The following TBCK variants were observed in gnomAD, a reference collection of about 807,000 sequenced individuals.
The protein encoded by TBCK is TBC domain-containing protein kinase-like protein.
Under a neutral mutation model 113.4 loss-of-function variants are expected in TBCK, and 99 were observed. The observed-to-expected ratio is 0.87, with a 90% CI of 0.74 to 1.03. The LOEUF is 1.03. Ranked by LOEUF, TBCK falls within the 50% of genes least tolerant of loss-of-function variation. The pLI, the probability that TBCK is intolerant of heterozygous loss-of-function variation, is 0.00. For synonymous variants in TBCK, 369 were observed against 370.8 expected (o/e 1.00, Z 0.05); for missense variants, 1,045 against 1,061.3 (o/e 0.98, Z 0.21).
Position 106,104,764 on chromosome 4 carries a change from C to T in TBCK, c.2412-9123G>A, listed in dbSNP as rs1206558648. Among the ~76,000 whole-genome samples, 6 of 152,390 alleles carry T rather than the reference C, an allele frequency of 3.9e-5. No individual in the cohort carries two copies. In the East Asian group the frequency reaches 1.2e-3, roughly 29 times the overall value. The stretch of plus-strand genomic sequence containing the variant: ...CTTTAAACCACCAACAGGTCCATAC[C>T]TCCCTGGGACAAAGCTCCCAGAGGG... On this transcript the variant is annotated intron_variant, in intron 24 of 25. Coordinates refer to ENST00000394708, the MANE Select transcript of TBCK (RefSeq NM_001163435.3).
intron 22 of TBCK, among the ~76,000 whole-genome samples, chr4:106,180,413 T>A (rs1752214821): frequency 6.6e-6 from 1 of 152,058 alleles, no homozygotes. Flanking sequence ...TACTTTAAGT[T>A]CTGGGTTACA....
chr4:106,268,592 A>T lies in TBCK; in HGVS notation c.267-6380T>A, dbSNP rs562765022. Among the ~76,000 whole-genome samples the T allele has an allele frequency of 2.5e-4, 38 of 152,224 alleles. No individual in the cohort carries two copies. The South Asian group carries it at 7.7e-3, about 31-fold the overall frequency. ...AACACAAGATGCTCAAGTTCACCCA[A>T]TGGCTATCCACAAAAAAAATTCATT... On this transcript the variant is annotated intron_variant, in intron 3 of 25. Transcript: ENST00000394708.
chr4:106,294,283 G>A (rs573701327), intron 3 of TBCK, among the ~76,000 whole-genome samples: 33 of 151,368 alleles, frequency 2.2e-4, no homozygotes, highest in Non-Finnish European at 1.0e-4. Context: ...TCCGCCCCGC[G>A]GGTTCAAGCA....
At chr4:106,184,184 C>T (rs1211185004) in intron 22 of TBCK, among the ~76,000 whole-genome samples, 2 of 151,922 alleles carry the variant, frequency 1.3e-5, no homozygotes, top group Admixed American at 6.6e-5. Context: ...CTAGCTGCCC[C>T]GTAATATCTT....
intron 3 of TBCK, among the ~76,000 whole-genome samples, chr4:106,266,030 G>A (rs995145375): frequency 2.0e-5 from 3 of 151,808 alleles, no homozygotes; most frequent in East Asian, 3.9e-4. Flanking sequence ...TGTGAAACAA[G>A]CATAATTTGG....
chr4:106,316,348 C>CGGGGGG, upstream of TBCK: 1 of 576,056 alleles, frequency 1.7e-6, no homozygotes, highest in East Asian at 3.0e-5. Flanking sequence ...GAAAGAGGTG[C>CGGGGGG]GGGGGGACGG....
intron 24 of TBCK, among the ~76,000 whole-genome samples, chr4:106,096,484 T>A (rs1740920311): frequency 6.6e-6 from 1 of 152,194 alleles, no homozygotes. Context: ...ACTATGAACA[T>A]CTTTCCTTTT....
At chr4:106,224,273 A>G (rs1758002596) in intron 19 of TBCK, among the ~76,000 whole-genome samples, 1 of 151,494 alleles carries the variant, frequency 6.6e-6, no homozygotes, top group Non-Finnish European at 1.5e-5. Flanking sequence ...AAACTTTAAA[A>G]TACAAAATAT....
intron 22 of TBCK, among the ~76,000 whole-genome samples, chr4:106,185,540 C>T (rs953203467): frequency 6.6e-6 from 1 of 152,070 alleles, no homozygotes; most frequent in Non-Finnish European, 1.5e-5. Flanking sequence ...TTAGATGGCT[C>T]ATATAAGTGG....
At chr4:106,240,262 A>G (rs1759940988) in intron 12 of TBCK, among the ~76,000 whole-genome samples, 1 of 152,078 alleles carries the variant, frequency 6.6e-6, no homozygotes, top group Admixed American at 6.6e-5. Flanking sequence ...ATTATGAAAT[A>G]TAAAAAGCAA....
At position 106,131,136 on chromosome 4, in the gene TBCK, T is replaced by G. The variant is rs536374369; in HGVS notation, c.2236-14758A>C. ...GTAAGTCTCACGAGATCTGATGGGT[T>G]TGTAAATGGGAGTTCCCCTGCACAA... On this transcript the variant is annotated intron_variant, in intron 23 of 25. Transcript: ENST00000394708. Among the ~76,000 whole-genome samples the G allele has an allele frequency of 5.8e-4, 89 of 152,206 alleles. 3 individuals carry two copies. The highest frequency in any genetic ancestry group is 1.7e-3 in the Admixed American group (26 of 15,290).
At chr4:106,161,215 A>G (rs1749752564) in intron 23 of TBCK, among the ~76,000 whole-genome samples, 1 of 152,158 alleles carries the variant, frequency 6.6e-6, no homozygotes, top group Admixed American at 6.5e-5. Flanking sequence ...GTGTATTTTT[A>G]TCACAATAAA....
intron 1 of TBCK, among the ~76,000 whole-genome samples, chr4:106,312,362 G>A (rs1768290434): frequency 6.6e-6 from 1 of 152,030 alleles, no homozygotes; most frequent in Admixed American, 6.6e-5. Context: ...ACATGAAAAA[G>A]TTCTTAATAT....
At chr4:106,301,799 T>C (rs1487814995) in intron 2 of TBCK, among the ~76,000 whole-genome samples, 2 of 152,090 alleles carry the variant, frequency 1.3e-5, no homozygotes, top group Non-Finnish European at 2.9e-5. Context: ...TAGCAAGATA[T>C]CTGCATAGCA....
chr4:106,074,345 C>A (rs1560608574), intron 25 of TBCK, among the ~76,000 whole-genome samples: 1 of 152,096 alleles, frequency 6.6e-6, no homozygotes, highest in Non-Finnish European at 1.5e-5. Context: ...TATCATCATA[C>A]ATAAGATAAA....
Position 106,045,237 on chromosome 4 carries a change from T to C in TBCK, c.*1333A>G, listed in dbSNP as rs750472033. ...CTATGACCAGCTAATTTTTATATTT[T>C]TAGTAGAGACAAAGTTTCCCCATGT... is the stretch of plus-strand genomic sequence containing the variant. On this transcript the variant is annotated 3_prime_UTR_variant, in exon 26 of 26. Transcript: ENST00000394708. The C allele has an allele frequency of 6.6e-6, 1 of 152,126 alleles. No individual in the cohort carries two copies. The highest frequency in any genetic ancestry group is 2.4e-5 in the African/African-American group (1 of 41,410). The allele number at this position is 152,126 out of a possible 1,614,324, so 9.4% of individuals were successfully genotyped here. A position where few individuals can be genotyped will look rare whatever the true frequency, so the allele number is the denominator to read the frequency against.
At chr4:106,305,802 C>T (rs550162869) in intron 2 of TBCK, among the ~76,000 whole-genome samples, 5 of 152,214 alleles carry the variant, frequency 3.3e-5, no homozygotes, top group Admixed American at 1.3e-4. Context: ...CCAAAATGGC[C>T]ACTAGAATGA....
intron 3 of TBCK, among the ~76,000 whole-genome samples, chr4:106,277,624 G>C (rs1386979854): frequency 6.6e-6 from 1 of 152,078 alleles, no homozygotes; most frequent in Non-Finnish European, 1.5e-5. Flanking sequence ...ATAATATAAA[G>C]TGCTAGAATA....
At chr4:106,052,660 C>T (rs140434124) in intron 25 of TBCK, among the ~76,000 whole-genome samples, 31 of 151,754 alleles carry the variant, frequency 2.0e-4, no homozygotes, top group Non-Finnish European at 3.2e-4. Context: ...AGTGTGCTAA[C>T]TCAATGCATT....
Sources: allele counts gnomAD v4.1 joint callset (sites outside exome capture counted in the v4.1 genomes callset), GRCh38; gene constraint gnomAD v4.1.1; transcripts MANE v1.5; gene names NCBI Gene and HGNC (gene_info 2026-07-23, HGNC 2026-07-21).